Variants in TBC1D17 observed in about 807,000 individuals in gnomAD.
TBC1D17 encodes the protein TBC1 domain family member 17.
A neutral mutation model predicts 78.8 loss-of-function variants in TBC1D17; 69 were observed. The ratio of observed to expected loss-of-function variants is 0.88; its 90% CI spans 0.72 to 1.07. The LOEUF is 1.07. TBC1D17 is among the 50% of genes least tolerant of loss of function. The pLI is 0.00. For synonymous variants in TBC1D17, 456 were observed against 358.3 expected (o/e 1.27, Z -3.08); for missense variants, 957 against 861.0 (o/e 1.11, Z -1.39).
At chr19:49,882,179 C>A in intron 6 of TBC1D17, 27 bp downstream of exon 6, 1 of 1,613,726 alleles carries the variant, frequency 6.2e-7, no homozygotes, top group South Asian at 1.1e-5. Flanking sequence ...GGAGGCCTGG[C>A]GGGTGTGGGC....
intron 2 of TBC1D17, 68 bp downstream of exon 2, chr19:49,878,309 G>A: frequency 6.9e-7 from 1 of 1,452,502 alleles, no homozygotes; most frequent in Non-Finnish European, 9.4e-7. Context: ...GATGCAGGCG[G>A]CAGCTGTAGG....
At chr19:49,878,116 A>C (rs1458981886) in intron 1 of TBC1D17, 27 bp from the exon 2 acceptor site, 2 of 1,550,640 alleles carry the variant, frequency 1.3e-6, no homozygotes, top group East Asian at 2.4e-5. Context: ...CTTGGGCCCC[A>C]GCCCTCGCTG....
chr19:49,878,248 T>A lies in TBC1D17; in HGVS notation c.120+7T>A. ...CATCCGTGTCGTGGAAAAGGTGCGC[T>A]GGGAGGGAGCAGGGCTCGGACCCGC... is the stretch of plus-strand genomic sequence containing the variant. On this transcript the variant is annotated splice_region_variant and intron_variant, in intron 2 of 16. Coordinates refer to ENST00000221543, the MANE Select transcript of TBC1D17 (RefSeq NM_024682.3). 1 of 1,555,440 alleles carries A rather than the reference T, an allele frequency of 6.4e-7. No individual in the cohort carries two copies. The highest frequency in any genetic ancestry group is 8.7e-7 in the Non-Finnish European group (1 of 1,149,222).
chr19:49,883,583 C>A (rs2075034269), intron 9 of TBC1D17, 68 bp from the exon 10 acceptor site: 3 of 1,456,822 alleles, frequency 2.1e-6, no homozygotes, highest in Non-Finnish European at 2.9e-6. Context: ...GAGGTGGCGC[C>A]AGGCTTGGAG....
intron 3 of TBC1D17, among the ~76,000 whole-genome samples, chr19:49,879,657 A>G (rs554408656): frequency 2.2e-5 from 3 of 137,998 alleles, no homozygotes; most frequent in African/African-American, 8.0e-5. Context: ...GCAAAGTGGT[A>G]TCTTATTGTG....
Position 49,878,478 on chromosome 19 carries a change from C to T in TBC1D17, c.121-20C>T. ...GTGGTTTGGGGAGCGCCTCTAACCC[C>T]GCCTCCCTCCTTACCCTAGGACAAT... On this transcript the variant is annotated intron_variant, in intron 2 of 16. Transcript: ENST00000221543. 1 of 1,610,762 alleles carries T rather than the reference C, an allele frequency of 6.2e-7. No individual in the cohort carries two copies. Among genetic ancestry groups the T allele is most frequent in the Middle Eastern group, 1.7e-4 (1 of 6,054 alleles).
intron 3 of TBC1D17, among the ~76,000 whole-genome samples, chr19:49,880,020 A>AT (rs1313426822): frequency 6.6e-6 from 1 of 150,862 alleles, no homozygotes; most frequent in Admixed American, 6.6e-5. Context: ...TGCCTGGCTA[A>AT]TTTTTTTGTA....
intron 3 of TBC1D17, chr19:49,878,801 G>C (rs1475591425): frequency 1.9e-5 from 10 of 533,006 alleles, no homozygotes; most frequent in Admixed American, 6.5e-5. Flanking sequence ...TCGTGGGGAC[G>C]GCTGACCCCT....
chr19:49,888,342 G>GCCC, intron 16 of TBC1D17, 25 bp downstream of exon 16: 1 of 1,503,696 alleles, frequency 6.7e-7, no homozygotes, highest in Non-Finnish European at 8.9e-7. Flanking sequence ...GCCCCGCAGC[G>GCCC]CCCCGCCCGA....
rs755861390 is a variant in TBC1D17 at position 49,882,987 on chromosome 19, C to A, written c.942C>A (p.Ser314Arg). The A allele has an allele frequency of 2.5e-6, 4 of 1,609,966 alleles. No homozygotes were observed. The South Asian group carries it at 4.4e-5, about 18-fold the overall frequency. The change falls in exon 9 of 17, where the codon AGC (serine) becomes AGA (arginine). Residue 314 changes from serine to arginine, a missense_variant. By Grantham distance (110) the Ser-to-Arg change is moderately radical. Coordinates refer to ENST00000221543, the MANE Select transcript of TBC1D17 (RefSeq NM_024682.3). ...NRIFSGGLSP[S>R]LRREAWKFLL... ...TGCACCCCCAGGGTCTGAGCCCCAGCCTGCGGCGCGAGGCCTGGAAGTTCC... is the reference window on the plus strand; with the variant it reads ...TGCACCCCCAGGGTCTGAGCCCCAGACTGCGGCGCGAGGCCTGGAAGTTCC...
rs1179037373 is a variant in TBC1D17, at chr19:49,878,120, C to T, written c.22-23C>T. On this transcript the variant is annotated intron_variant, in intron 1 of 16. Coordinates refer to ENST00000221543, the MANE Select transcript of TBC1D17 (RefSeq NM_024682.3). The stretch of plus-strand genomic sequence containing the variant: ...TGGTCCCCTCGCTTGGGCCCCAGCC[C>T]TCGCTGGTTCCCCCCAACTCAGGTG... The T allele has an allele frequency of 2.6e-6, 4 of 1,557,596 alleles. No homozygotes were observed. In the South Asian group the frequency reaches 4.7e-5, roughly 18 times the overall value.
chr19:49,886,491 C>T (rs1381260772), intron 13 of TBC1D17: 1 of 152,186 alleles, frequency 6.6e-6, no homozygotes, highest in Non-Finnish European at 1.5e-5. Flanking sequence ...CATTCAAAGT[C>T]TTCTGAAACA....
intron 13 of TBC1D17, chr19:49,886,437 A>C (rs1257106944): frequency 1.3e-5 from 2 of 152,158 alleles, no homozygotes; most frequent in African/African-American, 4.8e-5. Flanking sequence ...AGCCATAGAA[A>C]AGCATCACCT....
chr19:49,887,390 G>A, intron 13 of TBC1D17, 86 bp from the exon 14 acceptor site: 1 of 1,387,036 alleles, frequency 7.2e-7, no homozygotes, highest in Non-Finnish European at 1.0e-6. Context: ...GCCTAGACTT[G>A]GGGAAGGTCT....
At position 49,888,649 on chromosome 19, in the gene TBC1D17, A is replaced by C; in HGVS notation, c.*25A>C. On this transcript the variant is annotated 3_prime_UTR_variant, in exon 17 of 17. Coordinates refer to ENST00000221543, the MANE Select transcript of TBC1D17 (RefSeq NM_024682.3). ...ACCCCGCCAGGCAGCCTCGTTCTGC[A>C]CAGGCACTTTAGCCCGAGCCAGGCA... is the stretch of plus-strand genomic sequence containing the variant. 6.6e-7 allele frequency: 1 copy of C among 1,520,398 alleles called. No individual in the cohort carries two copies. Among genetic ancestry groups the C allele is most frequent in the Non-Finnish European group, 8.8e-7 (1 of 1,137,876 alleles). 94.2% of individuals were successfully genotyped at this position (1,520,398 alleles called of 1,614,324 possible). A position where few individuals can be genotyped will look rare whatever the true frequency, so the allele number is the denominator to read the frequency against.
In TBC1D17 at chr19:49,882,035, T is replaced by G; in HGVS notation, c.528-6T>G. ...CATCACCTGTGCGTCACCTCCCGCC[T>G]CCCAGCTCCCCGCAGGACTCCCGCC... On this transcript the variant is annotated splice_polypyrimidine_tract_variant and splice_region_variant and intron_variant, in intron 5 of 16. Coordinates refer to ENST00000221543, the MANE Select transcript of TBC1D17 (RefSeq NM_024682.3). 4.3e-6 allele frequency: 7 copies of G among 1,612,638 alleles called. No individual in the cohort carries two copies. The highest frequency in any genetic ancestry group is 5.9e-6 in the Non-Finnish European group (7 of 1,179,168).
chr19:49,878,725 C>G, intron 3 of TBC1D17, 153 bp downstream of exon 3: 1 of 675,220 alleles, frequency 1.5e-6, no homozygotes, highest in South Asian at 1.8e-5. Context: ...TCCTTTTGCT[C>G]CTCTCTGTGA....
chr19:49,878,934 C>G (rs904244763), intron 3 of TBC1D17: 2 of 253,124 alleles, frequency 7.9e-6, no homozygotes, highest in South Asian at 1.1e-4. Flanking sequence ...TCACCCACTT[C>G]GTCACTGCTC....
At chr19:49,886,423 A>G (rs1444415298) in intron 13 of TBC1D17, 2 of 152,184 alleles carry the variant, frequency 1.3e-5, no homozygotes, top group Non-Finnish European at 2.9e-5. Flanking sequence ...TGATGAGGAA[A>G]CTAAGCCATA....
Sources: gnomAD v4.1 joint callset for allele counts (sites outside exome capture counted in the v4.1 genomes callset) on GRCh38, gnomAD v4.1.1 for gene constraint, MANE v1.5 for transcripts, NCBI Gene and HGNC (gene_info 2026-07-23, HGNC 2026-07-21) for gene names.